The following SLC9D1 variants were observed in gnomAD, a reference collection of about 807,000 sequenced individuals.
The protein encoded by SLC9D1 is putative LAG1-interacting protein.
At chr13:113,499,926 A>T in the SLC9D1 span, 1 of 1,327,264 alleles carries the variant, frequency 7.5e-7, no homozygotes, top group South Asian at 2.2e-5. Flanking sequence ...CATTTAATGG[A>T]TTTTAATTGC....
chr13:113,520,865 C>G, the SLC9D1 span: 1 of 693,240 alleles, frequency 1.4e-6, no homozygotes, highest in Non-Finnish European at 2.5e-6. Context: ...GTCCCTGGAG[C>G]AACACTGCCT....
chr13:113,518,638 C>T, the SLC9D1 span, among the ~76,000 whole-genome samples: 9 of 152,242 alleles, frequency 5.9e-5, no homozygotes, highest in South Asian at 2.1e-4. Flanking sequence ...GCCTCCCTCC[C>T]GTCTTGCGAA....
chr13:113,547,286 C>T, the SLC9D1 span: 1 of 1,611,756 alleles, frequency 6.2e-7, no homozygotes, highest in South Asian at 1.1e-5. Context: ...ACGTGTCTGT[C>T]CTGTTCCCAA....
chr13:113,544,568 T>G, the SLC9D1 span, among the ~76,000 whole-genome samples: 6 of 152,310 alleles, frequency 3.9e-5, no homozygotes, highest in South Asian at 1.2e-3. Flanking sequence ...GGCTACTTAT[T>G]AGCTCGGGCC....
chr13:113,546,711 G>C, the SLC9D1 span, among the ~76,000 whole-genome samples: 1 of 152,154 alleles, frequency 6.6e-6, no homozygotes, highest in Non-Finnish European at 1.5e-5. The surrounding 1 kb of genome is among the most constrained non-coding windows in gnomAD (Gnocchi z 7.1). Flanking sequence ...TGTGGCTGGA[G>C]AGCTGAGCCC....
At chr13:113,495,583 T>C in the SLC9D1 span, 2 of 1,532,558 alleles carry the variant, frequency 1.3e-6, no homozygotes, top group African/African-American at 1.4e-5. Flanking sequence ...ACCTGGATCA[T>C]GAAGGTGTTG....
chr13:113,500,578 T>C, the SLC9D1 span, among the ~76,000 whole-genome samples: 1 of 152,174 alleles, frequency 6.6e-6, no homozygotes, highest in Admixed American at 6.5e-5. Flanking sequence ...TGGAACTGGA[T>C]TCAGACCTGT....
chr13:113,534,925 C>CA, the SLC9D1 span: 2 of 152,072 alleles, frequency 1.3e-5, no homozygotes, highest in Non-Finnish European at 2.9e-5. Flanking sequence ...ACTAAAAGTA[C>CA]AAAAAAAATT....
chr13:113,492,766 C>T, the SLC9D1 span, among the ~76,000 whole-genome samples: 96 of 152,166 alleles, frequency 6.3e-4, no homozygotes, highest in African/African-American at 2.2e-3. Context: ...GGTGTGGTGG[C>T]GAGCGCCTGT....
chr13:113,547,934 C>T, the SLC9D1 span, among the ~76,000 whole-genome samples: 1 of 128,714 alleles, frequency 7.8e-6, no homozygotes, highest in Non-Finnish European at 1.6e-5. Flanking sequence ...CAGCTCTTAG[C>T]TGCTCGGCCC....
the SLC9D1 span, chr13:113,530,008 A>G: frequency 6.6e-6 from 1 of 152,294 alleles, no homozygotes; most frequent in Non-Finnish European, 1.5e-5. Flanking sequence ...TATACAAAAC[A>G]TACTATATTC....
chr13:113,496,812 T>A, the SLC9D1 span, among the ~76,000 whole-genome samples: 2 of 152,196 alleles, frequency 1.3e-5, no homozygotes, highest in Admixed American at 1.3e-4. Flanking sequence ...ATAACACTGA[T>A]TCATTTGTCT....
At chr13:113,524,224 C>G in the SLC9D1 span, 273 of 453,848 alleles carry the variant, frequency 6.0e-4, no homozygotes, top group African/African-American at 5.0e-3. Context: ...TTGTCTGTTT[C>G]TCCTTTGAGT....
At chr13:113,538,152 ACATG>A in the SLC9D1 span, among the ~76,000 whole-genome samples, 1 of 151,856 alleles carries the variant, frequency 6.6e-6, no homozygotes, top group Admixed American at 6.6e-5. Flanking sequence ...TGGCATGTGT[ACATG>A]CATGAATGTG....
the SLC9D1 span, among the ~76,000 whole-genome samples, chr13:113,538,171 TTATG>T: frequency 6.6e-6 from 1 of 152,054 alleles, no homozygotes; most frequent in Non-Finnish European, 1.5e-5. Flanking sequence ...AATGTGTACT[TTATG>T]TGGTGTGTGG....
the SLC9D1 span, among the ~76,000 whole-genome samples, chr13:113,502,840 C>T: frequency 6.6e-6 from 1 of 152,354 alleles, no homozygotes; most frequent in South Asian, 2.1e-4. Flanking sequence ...AGCCCCAGGG[C>T]TTTCTCCAGA....
At chr13:113,495,887 G>A in the SLC9D1 span, 3 of 1,614,214 alleles carry the variant, frequency 1.9e-6, no homozygotes, top group South Asian at 2.2e-5. Context: ...TCCAGAAAGA[G>A]CTGAATGAAA....
the SLC9D1 span, among the ~76,000 whole-genome samples, chr13:113,517,508 A>G: frequency 6.6e-6 from 1 of 152,164 alleles, no homozygotes; most frequent in African/African-American, 2.4e-5. Flanking sequence ...GATTACATGC[A>G]GCCATTTTTG....
At chr13:113,544,231 G>C in the SLC9D1 span, among the ~76,000 whole-genome samples, 4 of 152,220 alleles carry the variant, frequency 2.6e-5, no homozygotes, top group African/African-American at 4.8e-5. Flanking sequence ...CCCGAGGCTC[G>C]TGCCCGCTGG....
Sources: gnomAD v4.1 joint callset for allele counts (sites outside exome capture counted in the v4.1 genomes callset) on GRCh38, gnomAD v4.1.1 for gene constraint, Gnocchi (gnomAD v3.1) non-coding constraint, MANE v1.5 for transcripts, NCBI Gene and HGNC (gene_info 2026-07-23, HGNC 2026-07-21) for gene names.